The following PDE3B variants were observed in gnomAD, a reference collection of about 807,000 sequenced individuals.
The protein encoded by PDE3B is phosphodiesterase 3B, also known as cGMP-inhibited 3',5'-cyclic phosphodiesterase 3B.
In PDE3B, 66 loss-of-function variants were observed where a neutral mutation model predicts 116.8. That is an observed-to-expected ratio of 0.56 (90% confidence interval 0.46 to 0.69). PDE3B has a LOEUF of 0.69. Ranked by LOEUF, PDE3B falls within the 30% of genes least tolerant of loss-of-function variation. The pLI is 0.00. For synonymous variants in PDE3B, 595 were observed against 533.6 expected (o/e 1.12, Z -1.59); for missense variants, 1,384 against 1,368.1 (o/e 1.01, Z -0.18).
chr11:14,710,777 A>G (rs1055194460), intron 1 of PDE3B, among the ~76,000 whole-genome samples: 1 of 152,228 alleles, frequency 6.6e-6, no homozygotes, highest in Non-Finnish European at 1.5e-5. Flanking sequence ...TCCTTCCTAT[A>G]GCTCTTCTTT....
intron 7 of PDE3B, among the ~76,000 whole-genome samples, chr11:14,821,308 C>G (rs1859508844): frequency 6.6e-6 from 1 of 152,174 alleles, no homozygotes; most frequent in African/African-American, 2.4e-5. Flanking sequence ...ATTCTGTTAT[C>G]AGAGCAGTCA....
At chr11:14,699,497 T>A (rs1855303330) in intron 1 of PDE3B, 1 of 151,926 alleles carries the variant, frequency 6.6e-6, no homozygotes, top group African/African-American at 2.4e-5. Context: ...TGAAAAACTA[T>A]TCCTTGTTTT....
intron 2 of PDE3B, 40 bp downstream of exon 2, chr11:14,772,027 A>G (rs1282108392): frequency 3.6e-6 from 3 of 823,806 alleles, no homozygotes; most frequent in East Asian, 5.8e-5. Flanking sequence ...TCTAAATAAT[A>G]TCTGTGATCA....
chr11:14,666,865 A>G (rs1565081822), intron 1 of PDE3B, among the ~76,000 whole-genome samples: 1 of 152,238 alleles, frequency 6.6e-6, no homozygotes, highest in Non-Finnish European at 1.5e-5. Context: ...CCATTGTGGA[A>G]GACAGTGTGG....
At chr11:14,831,912 T>A (rs1859896971) in intron 9 of PDE3B, 135 bp downstream of exon 9, 1 of 536,932 alleles carries the variant, frequency 1.9e-6, no homozygotes, top group South Asian at 2.4e-5. Flanking sequence ...CAGAAAAAAA[T>A]AAATATATAC....
At chr11:14,813,434 A>G (rs925484197) in intron 5 of PDE3B, among the ~76,000 whole-genome samples, 12 of 152,102 alleles carry the variant, frequency 7.9e-5, no homozygotes, top group African/African-American at 2.9e-4. Flanking sequence ...TGTCAGTCTG[A>G]ATCCTGACGC....
chr11:14,880,614 A>G, the PDE3B span: 1 of 1,610,164 alleles, frequency 6.2e-7, no homozygotes, highest in African/African-American at 1.3e-5. Context: ...CAAAAGGTCT[A>G]CCTTTGTATG....
chr11:14,806,944 G>A (rs894417787), intron 5 of PDE3B, among the ~76,000 whole-genome samples: 1 of 151,596 alleles, frequency 6.6e-6, no homozygotes, highest in African/African-American at 2.4e-5. Context: ...AAAAGGATGA[G>A]TTCATGTCCT....
chr11:14,871,400 C>T lies in PDE3B; in HGVS notation c.*1740C>T, dbSNP rs1848139121. On this transcript the variant is annotated 3_prime_UTR_variant, in exon 16 of 16. Coordinates refer to ENST00000282096, the MANE Select transcript of PDE3B (RefSeq NM_000922.4). ...GCACTTACAATATATATATCCTGTC[C>T]TTATATTTCTCTAGAGTACATTTTC... 6.6e-6 allele frequency: 1 copy of T among 151,950 alleles called. No individual in the cohort carries two copies. The highest frequency in any genetic ancestry group is 2.4e-5 in the African/African-American group (1 of 41,354). 9.4% of individuals were successfully genotyped at this position (151,950 alleles called of 1,614,324 possible). A position where few individuals can be genotyped will look rare whatever the true frequency, so the allele number is the denominator to read the frequency against.
chr11:14,675,028 T>C (rs1409481460), intron 1 of PDE3B, among the ~76,000 whole-genome samples: 2 of 152,198 alleles, frequency 1.3e-5, no homozygotes, highest in Admixed American at 6.5e-5. Flanking sequence ...ATGTATAATA[T>C]TTCTATTAAG....
chr11:14,749,460 T>G (rs1856998556), intron 1 of PDE3B, among the ~76,000 whole-genome samples: 1 of 152,146 alleles, frequency 6.6e-6, no homozygotes, highest in Non-Finnish European at 1.5e-5. Context: ...TGAATCAAAG[T>G]CAGCTTCCTT....
At chr11:14,811,929 T>C (rs937272526) in intron 5 of PDE3B, among the ~76,000 whole-genome samples, 4 of 152,154 alleles carry the variant, frequency 2.6e-5, no homozygotes, top group Non-Finnish European at 5.9e-5. Flanking sequence ...CACTCATGAT[T>C]TGGCTCTGTG....
intron 2 of PDE3B, among the ~76,000 whole-genome samples, chr11:14,783,447 A>C (rs181330340): frequency 1.3e-5 from 2 of 152,230 alleles, no homozygotes; most frequent in African/African-American, 4.8e-5. Flanking sequence ...GGATGAGTTC[A>C]TGTCCTTTGT....
At chr11:14,776,747 A>C (rs1359915035) in intron 2 of PDE3B, 1 of 152,078 alleles carries the variant, frequency 6.6e-6, no homozygotes, top group East Asian at 1.9e-4. Flanking sequence ...AGCCCACAAA[A>C]GTAGGCCAGG....
At chr11:14,879,477 GT>G in the PDE3B span, 2 of 1,518,520 alleles carry the variant, frequency 1.3e-6, no homozygotes, top group South Asian at 2.3e-5. Context: ...TTATTATGCA[GT>G]TCTTAGAATT....
In PDE3B at chr11:14,867,548, A is replaced by G; in HGVS notation, c.2929A>G (p.Met977Val). ...ANLGLPISPF[M>V]DRSSPQLAKL... ...TCTTGGTCTGCCCATCAGTCCATTCATGGATCGTTCTTCTCCTCAACTAGC... is the reference window on the plus strand; with the variant it reads ...TCTTGGTCTGCCCATCAGTCCATTCGTGGATCGTTCTTCTCCTCAACTAGC... Residue 977 changes from methionine to valine, a missense_variant, in exon 15 of 16, where the codon ATG becomes GTG. Physicochemically the swap from Met to Val is conservative, Grantham distance 21. Coordinates refer to ENST00000282096, the MANE Select transcript of PDE3B (RefSeq NM_000922.4). The G allele has an allele frequency of 6.8e-6, 11 of 1,614,014 alleles. No individual in the cohort carries two copies. Among genetic ancestry groups the G allele is most frequent in the Non-Finnish European group, 9.3e-6 (11 of 1,179,892 alleles).
intron 1 of PDE3B, among the ~76,000 whole-genome samples, chr11:14,693,110 C>T (rs899709042): frequency 3.9e-5 from 6 of 152,190 alleles, no homozygotes; most frequent in African/African-American, 9.7e-5. Flanking sequence ...AAACCAAAGC[C>T]TATCCCAGAT....
intron 11 of PDE3B, among the ~76,000 whole-genome samples, chr11:14,840,560 C>G (rs1421752952): frequency 6.6e-6 from 1 of 152,196 alleles, no homozygotes; most frequent in Non-Finnish European, 1.5e-5. Flanking sequence ...ATAGTTACGG[C>G]TTTGTGGGGA....
intron 1 of PDE3B, among the ~76,000 whole-genome samples, chr11:14,767,528 T>C (rs868352690): frequency 1.3e-5 from 2 of 151,474 alleles, no homozygotes; most frequent in Non-Finnish European, 3.0e-5. Context: ...TATTTATTGA[T>C]TGGGGAGTAT....
Sources: gnomAD v4.1 joint callset for allele counts (sites outside exome capture counted in the v4.1 genomes callset) on GRCh38, gnomAD v4.1.1 for gene constraint, MANE v1.5 for transcripts, NCBI Gene and HGNC (gene_info 2026-07-23, HGNC 2026-07-21) for gene names.